ATP8A2: variants seen among roughly 807,000 people sequenced by gnomAD.
ATP8A2 encodes the protein phospholipid-transporting ATPase IB.
ATP8A2 carries 100 observed loss-of-function variants against 165.6 expected under a neutral mutation model. The ratio of observed to expected loss-of-function variants is 0.60; its 90% CI spans 0.51 to 0.71. The LOEUF (loss-of-function observed/expected upper bound fraction) is 0.71. Ranked by LOEUF, ATP8A2 falls within the 30% of genes least tolerant of loss-of-function variation. The pLI, the probability that ATP8A2 is intolerant of heterozygous loss-of-function variation, is 0.00. For synonymous variants in ATP8A2, 543 were observed against 548.8 expected (o/e 0.99, Z 0.15); for missense variants, 1,227 against 1,479.5 (o/e 0.83, Z 2.80).
chr13:25,602,597 G>C (rs1165561951), intron 24 of ATP8A2, among the ~76,000 whole-genome samples: 2 of 152,208 alleles, frequency 1.3e-5, no homozygotes, highest in Non-Finnish European at 2.9e-5. Context: ...CAAATGCAGA[G>C]GCAAAGGCCG....
At chr13:25,961,142 C>G (rs1041107921) in intron 33 of ATP8A2, among the ~76,000 whole-genome samples, 7 of 152,142 alleles carry the variant, frequency 4.6e-5, no homozygotes. Context: ...TGCCTTGTAC[C>G]AAGTAGCGAT....
intron 27 of ATP8A2, among the ~76,000 whole-genome samples, chr13:25,820,688 C>G (rs1344897726): frequency 2.0e-5 from 3 of 152,140 alleles, no homozygotes; most frequent in African/African-American, 7.2e-5. Flanking sequence ...ATATGACTTA[C>G]TAGTGTGAAA....
At chr13:25,464,937 T>G (rs1445405270) in intron 1 of ATP8A2, among the ~76,000 whole-genome samples, 1 of 152,220 alleles carries the variant, frequency 6.6e-6, no homozygotes, top group Non-Finnish European at 1.5e-5. Flanking sequence ...TCCACTCTCT[T>G]GTCTGCATTT....
At chr13:25,464,171 C>T (rs9511813) in intron 1 of ATP8A2, among the ~76,000 whole-genome samples, 58,753 of 152,004 alleles carry the variant, frequency 0.39, 11,930 homozygotes, top group East Asian at 0.6. Context: ...CATTTAACAG[C>T]ATCTGTGCTA....
At chr13:25,461,623 C>T (rs1288463438) in intron 1 of ATP8A2, among the ~76,000 whole-genome samples, 2 of 152,134 alleles carry the variant, frequency 1.3e-5, no homozygotes, top group Non-Finnish European at 2.9e-5. Context: ...AAGACATAAC[C>T]AACTTCTTAA....
intron 24 of ATP8A2, among the ~76,000 whole-genome samples, chr13:25,624,181 G>T (rs534497781): frequency 6.6e-6 from 1 of 152,112 alleles, no homozygotes; most frequent in Non-Finnish European, 1.5e-5. Flanking sequence ...CACTTAACTA[G>T]TTGACATAAC....
intron 26 of ATP8A2, among the ~76,000 whole-genome samples, chr13:25,770,732 G>A (rs919922031): frequency 1.1e-4 from 17 of 152,088 alleles, no homozygotes; most frequent in African/African-American, 3.4e-4. Flanking sequence ...GCGAATGCAG[G>A]GCCTGTCCCT....
chr13:25,822,166 T>TA (rs773351692), intron 27 of ATP8A2, among the ~76,000 whole-genome samples: 6 of 152,302 alleles, frequency 3.9e-5, no homozygotes, highest in East Asian at 1.9e-4. Context: ...TAAACTTACT[T>TA]AGAGTTCATT....
At chr13:25,652,375 T>A (rs2041833804) in intron 24 of ATP8A2, among the ~76,000 whole-genome samples, 1 of 152,190 alleles carries the variant, frequency 6.6e-6, no homozygotes, top group Non-Finnish European at 1.5e-5. Flanking sequence ...TGCTGGGGGT[T>A]GTTCTGTGGC....
rs78443449 is a variant in ATP8A2 at position 25,677,131 on chromosome 13, G to A, written c.2212-22042G>A. On this transcript the variant is annotated intron_variant, in intron 24 of 36. Transcript: ENST00000381655. ...ACCTTTTAAAAACTCTTCTATTGTG[G>A]CATCAGCTTAGTCTAGAAGTCTGCT... Among the ~76,000 whole-genome samples the A allele has an allele frequency of 0.017, 2,580 of 152,206 alleles. 192 individuals are homozygous for A. In the East Asian group the frequency reaches 0.24, roughly 14 times the overall value.
intron 33 of ATP8A2, among the ~76,000 whole-genome samples, chr13:25,908,646 C>T (rs1258662997): frequency 2.6e-5 from 4 of 152,216 alleles, no homozygotes; most frequent in African/African-American, 9.6e-5. Flanking sequence ...TTGGTTCAAG[C>T]CTCAAGGGGG....
intron 23 of ATP8A2, among the ~76,000 whole-genome samples, chr13:25,587,592 C>G (rs929648483): frequency 3.9e-5 from 6 of 152,190 alleles, no homozygotes; most frequent in African/African-American, 1.4e-4. Context: ...TAAAAAACTA[C>G]CAGTAAATCC....
rs549576271 is a variant in ATP8A2, at chr13:25,401,346, A to G, written c.76+29058A>G. Among the ~76,000 whole-genome samples the G allele has an allele frequency of 7.9e-5, 12 of 152,322 alleles. No homozygotes were observed. The South Asian group carries it at 2.5e-3, about 32-fold the overall frequency. On this transcript the variant is annotated intron_variant, in intron 1 of 36. Transcript: ENST00000381655. ...TAAAAAGAAGTGGCATTTCTTAAAT[A>G]TTTTCAACCTGAAATAGTATACTGT...
At chr13:25,754,015 C>T (rs142407642) in intron 25 of ATP8A2, among the ~76,000 whole-genome samples, 1 of 152,324 alleles carries the variant, frequency 6.6e-6, no homozygotes, top group Non-Finnish European at 1.5e-5. Flanking sequence ...GTCAATGAGC[C>T]GTTAGGCACT....
chr13:25,390,848 C>G (rs1276646962), intron 1 of ATP8A2, among the ~76,000 whole-genome samples: 2 of 151,792 alleles, frequency 1.3e-5, no homozygotes, highest in African/African-American at 4.8e-5. Flanking sequence ...TTGCTTGAAC[C>G]CGGGAGGCAG....
At chr13:25,652,745 T>G (rs1275572577) in intron 24 of ATP8A2, among the ~76,000 whole-genome samples, 2 of 152,338 alleles carry the variant, frequency 1.3e-5, no homozygotes, top group African/African-American at 4.8e-5. Context: ...AAGTTCCTGA[T>G]TTTCTTTCAG....
chr13:25,679,449 C>A (rs984261599), intron 24 of ATP8A2, among the ~76,000 whole-genome samples: 1 of 152,110 alleles, frequency 6.6e-6, no homozygotes, highest in Non-Finnish European at 1.5e-5. Flanking sequence ...GCAGATAATG[C>A]GATTTGACTT....
chr13:25,875,566 C>T (rs1039346002), intron 33 of ATP8A2, among the ~76,000 whole-genome samples: 1 of 151,836 alleles, frequency 6.6e-6, no homozygotes, highest in African/African-American at 2.4e-5. Flanking sequence ...ACAGGATCTG[C>T]ACCTAAGAAG....
intron 25 of ATP8A2, among the ~76,000 whole-genome samples, chr13:25,745,098 G>T (rs989028159): frequency 6.6e-6 from 1 of 151,992 alleles, no homozygotes; most frequent in Non-Finnish European, 1.5e-5. Flanking sequence ...CTGCCACCAC[G>T]CCCAGCTAAT....
Sources: allele counts gnomAD v4.1 joint callset (sites outside exome capture counted in the v4.1 genomes callset), GRCh38; gene constraint gnomAD v4.1.1; transcripts MANE v1.5; gene names NCBI Gene and HGNC (gene_info 2026-07-23, HGNC 2026-07-21).